The following ZMAT4 variants were observed in gnomAD, a reference collection of about 807,000 sequenced individuals.
ZMAT4 encodes zinc finger matrin-type protein 4.
Under a neutral mutation model 28.7 loss-of-function variants are expected in ZMAT4, and 17 were observed. That is an observed-to-expected ratio of 0.59 (90% confidence interval 0.41 to 0.89). The LOEUF (loss-of-function observed/expected upper bound fraction) is 0.89. ZMAT4 is among the 40% of genes least tolerant of loss of function. The pLI is 0.00. For synonymous variants in ZMAT4, 117 were observed against 109.2 expected, an observed-to-expected ratio of 1.07 and a Z score of -0.44; for missense variants, 240 against 283.8, an observed-to-expected ratio of 0.85 and a Z score of 1.11.
intron 4 of ZMAT4, among the ~76,000 whole-genome samples, chr8:40,682,745 C>T (rs925009793): frequency 3.9e-5 from 6 of 152,152 alleles, no homozygotes; most frequent in African/African-American, 1.4e-4. Flanking sequence ...CTTCTTTACC[C>T]ACACTGCATT....
intron 6 of ZMAT4, among the ~76,000 whole-genome samples, chr8:40,568,018 C>T (rs1038768973): frequency 4.6e-5 from 7 of 152,010 alleles, no homozygotes; most frequent in African/African-American, 1.4e-4. Flanking sequence ...AATAACCTTC[C>T]TAAAATCAAA....
chr8:40,894,934 A>C (rs1240989680), intron 1 of ZMAT4, among the ~76,000 whole-genome samples: 2 of 152,236 alleles, frequency 1.3e-5, no homozygotes, highest in African/African-American at 2.4e-5. Context: ...GTCTTATTTC[A>C]GGGGACAATT....
At chr8:40,831,469 C>A (rs146522090) in intron 1 of ZMAT4, among the ~76,000 whole-genome samples, 2 of 152,168 alleles carry the variant, frequency 1.3e-5, no homozygotes, top group African/African-American at 4.8e-5. Flanking sequence ...CAGCACTCAC[C>A]GTGGCAGTCC....
At position 40,737,614 on chromosome 8, in the gene ZMAT4, A is replaced by G. The variant is rs555350434; in HGVS notation, c.192+30027T>C. Among the ~76,000 whole-genome samples, 137 of 152,312 alleles carry G rather than the reference A, an allele frequency of 9.0e-4. 1 individual carries two copies. Among genetic ancestry groups the G allele is most frequent in the African/African-American group, 3.1e-3 (129 of 41,578 alleles). On this transcript the variant is annotated intron_variant, in intron 3 of 6. Transcript: ENST00000297737. The stretch of plus-strand genomic sequence containing the variant: ...AGCAAGTCATCAGTAACCTTGGCCA[A>G]TGTTTCAGAGGTGCCCGTAGCCATG...
chr8:40,798,638 C>A (rs1814691819), intron 2 of ZMAT4, among the ~76,000 whole-genome samples: 1 of 152,194 alleles, frequency 6.6e-6, no homozygotes, highest in African/African-American at 2.4e-5. Flanking sequence ...TCTGTTGGCT[C>A]TGACAGAAGA....
chr8:40,842,079 A>G (rs1816724089), intron 1 of ZMAT4, among the ~76,000 whole-genome samples: 1 of 152,192 alleles, frequency 6.6e-6, no homozygotes, highest in Non-Finnish European at 1.5e-5. Context: ...CCCTCCCCCA[A>G]GCCCCACAAG....
intron 6 of ZMAT4, among the ~76,000 whole-genome samples, chr8:40,546,300 C>CAAA (rs991474050): frequency 1.5e-5 from 1 of 66,794 alleles, no homozygotes; most frequent in Non-Finnish European, 3.3e-5. Flanking sequence ...ATCACTTGAA[C>CAAA]AAAAAAAAAA....
chr8:40,657,467 AGT>A (rs1491312415), intron 5 of ZMAT4, among the ~76,000 whole-genome samples: 2 of 151,386 alleles, frequency 1.3e-5, no homozygotes, highest in African/African-American at 4.9e-5. Flanking sequence ...TTTTTCTTGC[AGT>A]ACTTTAAAGA....
At chr8:40,560,789 C>T (rs962402279) in intron 6 of ZMAT4, among the ~76,000 whole-genome samples, 4 of 152,184 alleles carry the variant, frequency 2.6e-5, no homozygotes, top group Admixed American at 6.6e-5. Flanking sequence ...CACTGTCACT[C>T]ATCAGAGCTT....
At chr8:40,698,658 C>G (rs879326252) in intron 3 of ZMAT4, among the ~76,000 whole-genome samples, 2 of 152,204 alleles carry the variant, frequency 1.3e-5, no homozygotes, top group Admixed American at 1.3e-4. Flanking sequence ...GATGTCCAGA[C>G]TGCTAGAGAG....
At chr8:40,808,656 T>C in intron 2 of ZMAT4, 1 of 406,682 alleles carries the variant, frequency 2.5e-6, no homozygotes, top group Non-Finnish European at 4.9e-6. Flanking sequence ...TTAGACATCT[T>C]CACTCAGGGG....
At chr8:40,589,664 C>T (rs1804785963) in intron 5 of ZMAT4, among the ~76,000 whole-genome samples, 1 of 152,046 alleles carries the variant, frequency 6.6e-6, no homozygotes, top group Non-Finnish European at 1.5e-5. Context: ...GCGCTAATAC[C>T]ATTGGTGACA....
At chr8:40,611,640 A>G (rs1805800856) in intron 5 of ZMAT4, among the ~76,000 whole-genome samples, 1 of 152,184 alleles carries the variant, frequency 6.6e-6, no homozygotes, top group African/African-American at 2.4e-5. Flanking sequence ...GCACCCAGCC[A>G]GAAACTCACA....
chr8:40,567,721 A>G (rs184649986), intron 6 of ZMAT4, among the ~76,000 whole-genome samples: 57 of 149,080 alleles, frequency 3.8e-4, no homozygotes, highest in Admixed American at 5.6e-4. Context: ...AAAAGAAAGA[A>G]CAAAAAAAAA....
chr8:40,645,267 T>G lies in ZMAT4; in HGVS notation c.577+29437A>C, dbSNP rs551628710. Among the ~76,000 whole-genome samples the G allele has an allele frequency of 3.3e-5, 5 of 152,262 alleles. No homozygotes were observed. In the East Asian group the frequency reaches 9.7e-4, roughly 29 times the overall value. Reference sequence around the variant, plus strand: ...AACTATTCTAAAATAAAATGTTTATTTAGAAGATAAATAAGACATGGATAG... The same window carrying G: ...AACTATTCTAAAATAAAATGTTTATGTAGAAGATAAATAAGACATGGATAG... On this transcript the variant is annotated intron_variant, in intron 5 of 6. Transcript: ENST00000297737.
chr8:40,655,422 G>T, intron 5 of ZMAT4, among the ~76,000 whole-genome samples: 1 of 151,340 alleles, frequency 6.6e-6, no homozygotes, highest in Non-Finnish European at 1.5e-5. Flanking sequence ...CAAAATCCTA[G>T]CTGCCTTTTT....
chr8:40,585,046 G>A (rs10958623), intron 5 of ZMAT4, among the ~76,000 whole-genome samples: 33,621 of 152,008 alleles, frequency 0.22, 4,407 homozygotes, highest in Non-Finnish European at 0.3. Flanking sequence ...TCCTGGAGGC[G>A]TTCACATTAT....
At chr8:40,624,678 A>G (rs1033565320) in intron 5 of ZMAT4, among the ~76,000 whole-genome samples, 8 of 152,214 alleles carry the variant, frequency 5.3e-5, no homozygotes, top group Non-Finnish European at 2.9e-5. Flanking sequence ...CTCAGTACAT[A>G]TCCTCTTCCT....
At chr8:40,534,018 AAATATTCACAGCT>A (rs1158673674) in intron 6 of ZMAT4, among the ~76,000 whole-genome samples, 2 of 152,240 alleles carry the variant, frequency 1.3e-5, no homozygotes, top group African/African-American at 2.4e-5. Flanking sequence ...TAAGAAGACC[AAATATTCACAGCT>A]AAACAGTCTT....
Sources: allele counts gnomAD v4.1 joint callset (sites outside exome capture counted in the v4.1 genomes callset), GRCh38; gene constraint gnomAD v4.1.1; transcripts MANE v1.5; gene names NCBI Gene and HGNC (gene_info 2026-07-23, HGNC 2026-07-21).